The following TMBIM6 variants were observed in gnomAD, a reference collection of about 807,000 sequenced individuals.
TMBIM6 encodes transmembrane BAX inhibitor motif containing 6.
Under a neutral mutation model 31.4 loss-of-function variants are expected in TMBIM6, and 13 were observed. The ratio of observed to expected loss-of-function variants is 0.41; its 90% CI spans 0.27 to 0.66. The LOEUF (loss-of-function observed/expected upper bound fraction) is 0.66, where lower values mean the gene tolerates loss of function less well. Among genes scored for constraint, TMBIM6 ranks in the 30% least tolerant of loss-of-function variants. TMBIM6 has a pLI of 0.28. For synonymous variants in TMBIM6, 85 were observed against 101.7 expected, an observed-to-expected ratio of 0.84 and a Z score of 0.99; for missense variants, 275 against 289.5, an observed-to-expected ratio of 0.95 and a Z score of 0.36.
intron 1 of TMBIM6, chr12:49,742,086 TG>T (rs1945305319): frequency 6.3e-7 from 1 of 1,587,374 alleles, no homozygotes; most frequent in Non-Finnish European, 8.5e-7. Context: ...GGGCTGACCC[TG>T]GGTGAGCGGC....
rs1425356544 is a variant in TMBIM6 at position 49,752,980 on chromosome 12, T to C, written c.64T>C (p.Ser22Pro). The change falls in exon 3 of 10, where the codon TCA becomes CCA. Residue 22 changes from serine to proline, a missense_variant. Coordinates refer to ENST00000267115, the MANE Select transcript of TMBIM6 (RefSeq NM_003217.3). ...TTCACATTCTTTTCTTAGAACCCCGTCAACGCAGCAGCACCTGAAGAAGGT... is the reference window on the plus strand; with the variant it reads ...TTCACATTCTTTTCTTAGAACCCCGCCAACGCAGCAGCACCTGAAGAAGGT... ...ALLKFSHITP[S>P]TQQHLKKVYA... The C allele has an allele frequency of 1.9e-6, 3 of 1,613,746 alleles. No individual in the cohort carries two copies. In the East Asian group the frequency reaches 6.7e-5, roughly 36 times the overall value.
chr12:49,743,342 C>T (rs1052816533), intron 1 of TMBIM6: 7 of 151,788 alleles, frequency 4.6e-5, no homozygotes, highest in Non-Finnish European at 8.8e-5. Flanking sequence ...GCATTCAATT[C>T]TCATGCCTCA....
At chr12:49,742,485 C>A in intron 1 of TMBIM6, 1 of 543,092 alleles carries the variant, frequency 1.8e-6, no homozygotes, top group South Asian at 3.2e-5. Flanking sequence ...ATCAGCCTTT[C>A]ATTGACCACC....
chr12:49,741,846 C>CG (rs1388348735), intron 1 of TMBIM6: 1 of 414,270 alleles, frequency 2.4e-6, no homozygotes, highest in African/African-American at 2.2e-5. Context: ...GGCGAGTCTG[C>CG]GGGGGTTTTG....
chr12:49,760,223 C>T (rs1242728231), intron 8 of TMBIM6, among the ~76,000 whole-genome samples: 1 of 151,238 alleles, frequency 6.6e-6, no homozygotes, highest in Admixed American at 6.6e-5. Flanking sequence ...CCTATTTATA[C>T]TTCTGTATTT....
intron 1 of TMBIM6, 36 bp from the exon 2 acceptor site, chr12:49,752,428 A>G: frequency 7.1e-7 from 1 of 1,413,356 alleles, no homozygotes; most frequent in Non-Finnish European, 9.7e-7. Flanking sequence ...GTGATTCTGT[A>G]TGACTTAATG....
intron 4 of TMBIM6, 35 bp downstream of exon 4, chr12:49,755,790 A>G: frequency 6.3e-7 from 1 of 1,590,228 alleles, no homozygotes; most frequent in Non-Finnish European, 8.6e-7. Context: ...TTGAGGGGTG[A>G]GCTATATTTT....
chr12:49,759,110 T>C (rs1050600193), intron 7 of TMBIM6, 111 bp from the exon 8 acceptor site: 2 of 917,072 alleles, frequency 2.2e-6, no homozygotes, highest in African/African-American at 1.7e-5. Flanking sequence ...GTAATGTTCA[T>C]AGGGTTCACA....
At position 49,758,766 on chromosome 12, in the gene TMBIM6, A is replaced by T; in HGVS notation, c.513+4A>T. On this transcript the variant is annotated splice_donor_region_variant and intron_variant, in intron 7 of 9. Transcript: ENST00000267115. ...TGGATCCATTTGGCTTTTCCAGGTA[A>T]GACTTAGCCTGGAACTTTCCAGCAG... 1 of 1,612,058 alleles carries T rather than the reference A, an allele frequency of 6.2e-7. No individual in the cohort carries two copies. Among genetic ancestry groups the T allele is most frequent in the African/African-American group, 1.3e-5 (1 of 74,370 alleles).
intron 8 of TMBIM6, 86 bp downstream of exon 8, chr12:49,759,407 T>C: frequency 8.6e-7 from 1 of 1,156,834 alleles, no homozygotes; most frequent in Non-Finnish European, 1.3e-6. Context: ...TGGCTGAACA[T>C]AGGTGGCCAA....
intron 1 of TMBIM6, among the ~76,000 whole-genome samples, chr12:49,747,625 T>C (rs1033893929): frequency 2.6e-5 from 4 of 152,140 alleles, no homozygotes; most frequent in African/African-American, 9.7e-5. Context: ...CTTTTTTGTT[T>C]TTTGGAAGTG....
intron 4 of TMBIM6, among the ~76,000 whole-genome samples, chr12:49,757,636 T>A (rs1043583894): frequency 3.3e-5 from 5 of 152,120 alleles, no homozygotes; most frequent in African/African-American, 7.2e-5. Flanking sequence ...AGGAAGAGAT[T>A]TAGGGATTAA....
At chr12:49,750,641 C>T (rs982902856) in intron 1 of TMBIM6, 5 of 152,200 alleles carry the variant, frequency 3.3e-5, no homozygotes, top group Admixed American at 3.3e-4. Context: ...GAGCAACAAC[C>T]TTAGTAGGTT....
At chr12:49,751,344 C>T (rs970870908) in intron 1 of TMBIM6, among the ~76,000 whole-genome samples, 2 of 151,946 alleles carry the variant, frequency 1.3e-5, no homozygotes, top group African/African-American at 4.8e-5. Context: ...AGCACTGTGT[C>T]TGTATGGTTA....
At position 49,755,754 on chromosome 12, in the gene TMBIM6, A is replaced by G. The variant is rs747361431; in HGVS notation, c.285A>G (p.Thr95=). The G allele has an allele frequency of 1.2e-6, 2 of 1,613,464 alleles. No homozygotes were observed. Among genetic ancestry groups the G allele is most frequent in the South Asian group, 2.2e-5 (2 of 91,012 alleles). The change falls in exon 4 of 10, where the codon ACA becomes ACG. Residue 95 remains threonine (T), a splice_region_variant and synonymous_variant. Transcript: ENST00000267115. ...TTCTTGCTGGATTTGCATTCCTTACAGGTACGTTAAGGGATTTGTCTAATT... is the reference window on the plus strand; with the variant it reads ...TTCTTGCTGGATTTGCATTCCTTACGGGTACGTTAAGGGATTTGTCTAATT... The part of the protein sequence containing the change: ...LGLLAGFAFL[T]GVGLGPALEF...
In TMBIM6 at chr12:49,752,447, C is replaced by T. The variant is rs749140047; in HGVS notation, c.-30-17C>T. On this transcript the variant is annotated splice_polypyrimidine_tract_variant and intron_variant, in intron 1 of 9. Coordinates refer to ENST00000267115, the MANE Select transcript of TMBIM6 (RefSeq NM_003217.3). ...TTCTGTATGACTTAATGACTCTAAC[C>T]TTTCTTTATTCTGCAGAGTGGAGAC... 2 of 1,589,038 alleles carry T rather than the reference C, an allele frequency of 1.3e-6. No homozygotes were observed. The highest frequency in any genetic ancestry group is 1.7e-6 in the Non-Finnish European group (2 of 1,165,392).
chr12:49,742,210 TCTGGGG>T (rs749703034), intron 1 of TMBIM6: 5 of 1,612,892 alleles, frequency 3.1e-6, no homozygotes, highest in Non-Finnish European at 4.2e-6. Context: ...GTGAGAGGAG[TCTGGGG>T]CTGGGGCTGC....
intron 1 of TMBIM6, among the ~76,000 whole-genome samples, chr12:49,750,919 G>C (rs948865945): frequency 5.9e-5 from 9 of 152,180 alleles, no homozygotes; most frequent in Non-Finnish European, 2.9e-5. Flanking sequence ...GTGCTGATTA[G>C]AGTGCTTCAT....
chr12:49,755,612 T>A (rs1420730491), intron 3 of TMBIM6, 23 bp from the exon 4 acceptor site: 8 of 1,607,152 alleles, frequency 5.0e-6, no homozygotes, highest in Non-Finnish European at 6.8e-6. Flanking sequence ...TGTTTAATGA[T>A]TGATTGATTC....
Sources: gnomAD v4.1 joint callset for allele counts (sites outside exome capture counted in the v4.1 genomes callset) on GRCh38, gnomAD v4.1.1 for gene constraint, MANE v1.5 for transcripts, NCBI Gene and HGNC (gene_info 2026-07-23, HGNC 2026-07-21) for gene names.